The following KCNIP4 variants were observed in gnomAD, a reference collection of about 807,000 sequenced individuals.
The protein encoded by KCNIP4 is potassium voltage-gated channel interacting protein 4.
Under a neutral mutation model 34.0 loss-of-function variants are expected in KCNIP4, and 12 were observed. The observed-to-expected ratio is 0.35, with a 90% CI of 0.23 to 0.57. The LOEUF (loss-of-function observed/expected upper bound fraction) is 0.57. Among genes scored for constraint, KCNIP4 ranks in the 20% least tolerant of loss-of-function variants. KCNIP4 has a pLI of 0.83. For missense variants in KCNIP4, 238 were observed against 311.7 expected, an observed-to-expected ratio of 0.76 and a Z score of 1.78; for synonymous variants, 124 against 102.2, an observed-to-expected ratio of 1.21 and a Z score of -1.29.
chr4:21,868,179 A>C (rs1725544755), intron 1 of KCNIP4, among the ~76,000 whole-genome samples: 1 of 152,326 alleles, frequency 6.6e-6, no homozygotes, highest in Middle Eastern at 3.4e-3. Context: ...CAACATCAGA[A>C]CACATTCATT....
At chr4:21,347,932 C>A in intron 1 of KCNIP4, among the ~76,000 whole-genome samples, 1 of 152,172 alleles carries the variant, frequency 6.6e-6, no homozygotes, top group East Asian at 1.9e-4. Context: ...TTAAAGGCTT[C>A]CACTGGGCAC....
intron 1 of KCNIP4, among the ~76,000 whole-genome samples, chr4:21,558,166 G>C (rs1339144859): frequency 6.6e-6 from 1 of 152,120 alleles, no homozygotes; most frequent in African/African-American, 2.4e-5. Flanking sequence ...TATGAATTTA[G>C]GACATTTGCA....
intron 8 of KCNIP4, 127 bp from the exon 9 acceptor site, chr4:20,730,256 AAGT>A: frequency 8.5e-7 from 1 of 1,182,290 alleles, no homozygotes; most frequent in Non-Finnish European, 1.1e-6. Flanking sequence ...CTCAAATATT[AAGT>A]GTTTGCAAAT....
intron 1 of KCNIP4, among the ~76,000 whole-genome samples, chr4:21,784,761 C>T (rs1239316435): frequency 6.6e-6 from 1 of 152,116 alleles, no homozygotes; most frequent in East Asian, 1.9e-4. Context: ...CCTCCTGGCT[C>T]CTTCACACAG....
rs1033348811 is a variant in KCNIP4 at position 21,368,353 on chromosome 4, C to G, written c.62-485644G>C. Among the ~76,000 whole-genome samples the G allele has an allele frequency of 7.5e-5, 11 of 146,994 alleles. 1 individual carries two copies. The highest frequency in any genetic ancestry group is 2.7e-4 in the African/African-American group (10 of 36,814). On this transcript the variant is annotated intron_variant, in intron 1 of 8. Transcript: ENST00000382152. The stretch of plus-strand genomic sequence containing the variant: ...AAGGTTATTCTTATGACATTAAGAC[C>G]ATTTGTGATTTAGAAAATCGTATCT...
chr4:21,733,887 A>G (rs1054406845), intron 1 of KCNIP4, among the ~76,000 whole-genome samples: 1 of 152,204 alleles, frequency 6.6e-6, no homozygotes, highest in Non-Finnish European at 1.5e-5. Flanking sequence ...TATGACATCC[A>G]TGGAAAGTTG....
intron 1 of KCNIP4, among the ~76,000 whole-genome samples, chr4:21,174,698 A>G (rs908129770): frequency 6.6e-6 from 1 of 152,078 alleles, no homozygotes; most frequent in Non-Finnish European, 1.5e-5. Context: ...TCAGGAACTC[A>G]GATCAAGACC....
At position 21,144,198 on chromosome 4, in the gene KCNIP4, G is replaced by A. The variant is rs527429597; in HGVS notation, c.62-261489C>T. On this transcript the variant is annotated intron_variant, in intron 1 of 8. Transcript: ENST00000382152. ...ACCAGTATTATATTTGTCAGTTCAC[G>A]TTGGCATTACTAATCTGCCAATATG... 1.7e-3 allele frequency among the ~76,000 whole-genome samples: 253 copies of A among 152,246 alleles called. 1 individual carries two copies. Among genetic ancestry groups the A allele is most frequent in the African/African-American group, 5.7e-3 (238 of 41,536 alleles).
chr4:20,733,712 A>C (rs1397122918), intron 6 of KCNIP4, among the ~76,000 whole-genome samples: 2 of 152,222 alleles, frequency 1.3e-5, no homozygotes. Context: ...TGATATAAAA[A>C]TATACAAGAA....
intron 1 of KCNIP4, among the ~76,000 whole-genome samples, chr4:21,193,571 A>ATTTTTTTTTT (rs71655619): frequency 1.1e-4 from 13 of 119,234 alleles, no homozygotes; most frequent in South Asian, 2.7e-4. Flanking sequence ...GCAATTTTAA[A>ATTTTTTTTTT]TTTTTTTTTT....
chr4:21,382,438 C>G (rs1012208225), intron 1 of KCNIP4, among the ~76,000 whole-genome samples: 1 of 152,092 alleles, frequency 6.6e-6, no homozygotes, highest in African/African-American at 2.4e-5. Flanking sequence ...GTATAATGAT[C>G]CAAGAGGACC....
chr4:21,370,850 T>TACACAC lies in KCNIP4; in HGVS notation c.62-488147_62-488142dup, dbSNP rs376590317. 7.2e-3 allele frequency among the ~76,000 whole-genome samples: 107 copies of TACACAC among 14,816 alleles called. 1 individual carries two copies. Among genetic ancestry groups the TACACAC allele is most frequent in the South Asian group, 0.016 (3 of 186 alleles). 9.7% of individuals were successfully genotyped at this position (14,816 alleles called of 152,430 possible). ...ATATATATATATATATATATATATA[T>TACACAC]ACACACACACACACACACACACACA... On this transcript the variant is annotated intron_variant, in intron 1 of 8. Coordinates refer to ENST00000382152, the MANE Select transcript of KCNIP4 (RefSeq NM_025221.6).
At chr4:20,894,937 A>G (rs1222038360) in intron 1 of KCNIP4, among the ~76,000 whole-genome samples, 1 of 152,242 alleles carries the variant, frequency 6.6e-6, no homozygotes, top group African/African-American at 2.4e-5. Flanking sequence ...CCTTACAAGC[A>G]TCATATTATT....
intron 1 of KCNIP4, among the ~76,000 whole-genome samples, chr4:21,486,938 C>T (rs560322130): frequency 1.3e-5 from 2 of 152,008 alleles, no homozygotes; most frequent in East Asian, 1.9e-4. Flanking sequence ...GCTGGGACTA[C>T]AGGTGTGCAT....
chr4:21,128,486 G>T (rs1174605162), intron 1 of KCNIP4, among the ~76,000 whole-genome samples: 1 of 152,198 alleles, frequency 6.6e-6, no homozygotes, highest in Non-Finnish European at 1.5e-5. Flanking sequence ...TATAAGGATT[G>T]AGGGTAAGGA....
chr4:21,595,293 C>T lies in KCNIP4; in HGVS notation c.61+353278G>A, dbSNP rs1276424396. Among the ~76,000 whole-genome samples the T allele has an allele frequency of 3.3e-5, 5 of 152,040 alleles. No homozygotes were observed. In the East Asian group the frequency reaches 9.7e-4, roughly 29 times the overall value. On this transcript the variant is annotated intron_variant, in intron 1 of 8. Transcript: ENST00000382152. ...TGCTGAGAATGATGGTTTCCAGCTCCGTCCATGTCCCTGCACAGGACATGA... is the reference window on the plus strand; with the variant it reads ...TGCTGAGAATGATGGTTTCCAGCTCTGTCCATGTCCCTGCACAGGACATGA...
At chr4:21,543,370 C>T (rs185254420) in intron 1 of KCNIP4, among the ~76,000 whole-genome samples, 1 of 152,052 alleles carries the variant, frequency 6.6e-6, no homozygotes, top group Non-Finnish European at 1.5e-5. Flanking sequence ...TTGATCATTC[C>T]TAATCCTAAC....
At chr4:21,471,550 A>G (rs2109806336) in intron 1 of KCNIP4, among the ~76,000 whole-genome samples, 1 of 152,274 alleles carries the variant, frequency 6.6e-6, no homozygotes, top group East Asian at 1.9e-4. Context: ...AGTTTCCTGA[A>G]ATTTACATTT....
intron 2 of KCNIP4, among the ~76,000 whole-genome samples, chr4:20,875,262 CAG>C (rs1396777613): frequency 1.3e-5 from 2 of 152,280 alleles, no homozygotes; most frequent in South Asian, 2.1e-4. Flanking sequence ...TGGTAAAGTA[CAG>C]AGACTTTGCA....
Sources: allele counts gnomAD v4.1 joint callset (sites outside exome capture counted in the v4.1 genomes callset), GRCh38; gene constraint gnomAD v4.1.1; transcripts MANE v1.5; gene names NCBI Gene and HGNC (gene_info 2026-07-23, HGNC 2026-07-21).